NR2F6: variants seen among roughly 807,000 people sequenced by gnomAD.
NR2F6 encodes ERBA-related gene-2.
Under a neutral mutation model 26.5 loss-of-function variants are expected in NR2F6, and 16 were observed. The observed-to-expected ratio is 0.60, with a 90% CI of 0.41 to 0.92. The LOEUF is 0.92. Among genes scored for constraint, NR2F6 ranks in the 40% least tolerant of loss-of-function variants. The pLI is 0.00. For synonymous variants in NR2F6, 325 were observed against 305.0 expected, an observed-to-expected ratio of 1.07 and a Z score of -0.68; for missense variants, 536 against 631.7, an observed-to-expected ratio of 0.85 and a Z score of 1.62.
intron 2 of NR2F6, among the ~76,000 whole-genome samples, chr19:17,238,738 T>TC (rs1479071273): frequency 6.6e-6 from 1 of 152,118 alleles, no homozygotes; most frequent in Non-Finnish European, 1.5e-5. Flanking sequence ...CTCAGCTGCC[T>TC]CTCTCAGCTT....
intron 1 of NR2F6, among the ~76,000 whole-genome samples, chr19:17,243,822 C>T (rs1228988440): frequency 6.6e-6 from 1 of 152,122 alleles, no homozygotes; most frequent in African/African-American, 2.4e-5. Context: ...CCCCACAGTT[C>T]CCCCACAGTG....
At position 17,245,137 on chromosome 19, in the gene NR2F6, G is replaced by T. The variant is rs933381951; in HGVS notation, c.84C>A (p.Ala28=). Residue 28 remains alanine (A), a synonymous_variant, in exon 1 of 4, where the codon GCC becomes GCA. Coordinates refer to ENST00000291442, the MANE Select transcript of NR2F6 (RefSeq NM_005234.4). This position sits in a 1 kb window ranked among gnomAD's most constrained non-coding sequence, Gnocchi z 5.0. ...VDKAGGYPRA[A]EDDSASPPGA... ...CGGGGGGCGAGGCCGAGTCGTCCTCGGCCGCGCGCGGGTAGCCGCCCGCCT... is the reference window on the plus strand; with the variant it reads ...CGGGGGGCGAGGCCGAGTCGTCCTCTGCCGCGCGCGGGTAGCCGCCCGCCT... 1 of 1,443,798 alleles carries T rather than the reference G, an allele frequency of 6.9e-7. No individual in the cohort carries two copies. The highest frequency in any genetic ancestry group is 9.1e-7 in the Non-Finnish European group (1 of 1,103,880). 89.4% of individuals were successfully genotyped at this position (1,443,798 alleles called of 1,614,324 possible). A position where few individuals can be genotyped will look rare whatever the true frequency, so the allele number is the denominator to read the frequency against.
chr19:17,232,590 C>A lies in NR2F6; in HGVS notation c.977G>T (p.Ser326Ile), dbSNP rs777058958. The A allele has an allele frequency of 3.2e-6, 5 of 1,566,570 alleles. No homozygotes were observed. Among genetic ancestry groups the A allele is most frequent in the Non-Finnish European group, 3.5e-6 (4 of 1,155,798 alleles). Residue 326 changes from serine (S) to isoleucine (I), a missense_variant, in exon 4 of 4, where the codon AGC (serine) becomes ATC (isoleucine). Physicochemically the swap from Ser to Ile is moderately radical, Grantham distance 142. Transcript: ENST00000291442. ...CGLSDPAHVESLQEKAQVALT... is the reference protein window; with the variant it reads ...CGLSDPAHVEILQEKAQVALT... ...GGCCACCTGCGCCTTCTCCTGCAGGCTCTCAACGTGGGCCGGGTCTGAGAG... is the reference window on the plus strand; with the variant it reads ...GGCCACCTGCGCCTTCTCCTGCAGGATCTCAACGTGGGCCGGGTCTGAGAG...
In NR2F6 at chr19:17,235,347, C is replaced by T. The variant is rs2073429893; in HGVS notation, c.940+152G>A. 7.0e-7 allele frequency: 1 copy of T among 1,422,680 alleles called. No individual in the cohort carries two copies. The highest frequency in any genetic ancestry group is 2.7e-5 in the East Asian group (1 of 37,546). 88.1% of individuals were successfully genotyped at this position (1,422,680 alleles called of 1,614,324 possible). A position where few individuals can be genotyped will look rare whatever the true frequency, so the allele number is the denominator to read the frequency against. On this transcript the variant is annotated intron_variant, in intron 3 of 3. Transcript: ENST00000291442. The surrounding 1 kb of genome is among the most constrained non-coding windows in gnomAD (Gnocchi z 5.0). ...ACTGCTTACATCACCCCTCTACAGC[C>T]ACCCAAGAGCGTTCACTCACGGCGC... is the stretch of plus-strand genomic sequence containing the variant.
intron 2 of NR2F6, among the ~76,000 whole-genome samples, chr19:17,236,695 TC>T (rs1199384092): frequency 1.3e-5 from 2 of 151,368 alleles, no homozygotes; most frequent in Non-Finnish European, 2.9e-5. Context: ...CTACCTTCCA[TC>T]CCCCTCCCCA....
chr19:17,237,687 G>A (rs960613930), intron 2 of NR2F6, among the ~76,000 whole-genome samples: 15 of 152,164 alleles, frequency 9.9e-5, no homozygotes, highest in Non-Finnish European at 2.2e-4. Context: ...TGGGATTACA[G>A]GCGTGAGCCC....
At chr19:17,241,377 C>T (rs751924323) in intron 1 of NR2F6, among the ~76,000 whole-genome samples, 6 of 152,208 alleles carry the variant, frequency 3.9e-5, no homozygotes, top group Admixed American at 2.6e-4. Flanking sequence ...CCCACACCTA[C>T]GCTCTTCCGA....
chr19:17,232,094 C>A lies in NR2F6; in HGVS notation c.*258G>T. On this transcript the variant is annotated 3_prime_UTR_variant, in exon 4 of 4. Coordinates refer to ENST00000291442, the MANE Select transcript of NR2F6 (RefSeq NM_005234.4). ...ATGCTAGGGGTGCTGAGGAACAAGG[C>A]TGTCCTAGGATTGGACCCTCCATCC... The A allele has an allele frequency of 2.0e-6, 1 of 506,330 alleles. No individual in the cohort carries two copies. The highest frequency in any genetic ancestry group is 3.5e-6 in the Non-Finnish European group (1 of 289,604). 31.4% of individuals were successfully genotyped at this position (506,330 alleles called of 1,614,324 possible).
chr19:17,235,950 C>A lies in NR2F6; in HGVS notation c.489G>T (p.Gly163=). ...GCGCGATCAGTTCGGACACCGGCTG[C>A]CCCGGGAAGAGGTCTCCGCCGCTCG... ...AVASGGDLFP[G]QPVSELIAQL... The change falls in exon 3 of 4, where the codon GGG becomes GGT. Residue 163 remains glycine, a synonymous_variant. Transcript: ENST00000291442. This position sits in a 1 kb window ranked among gnomAD's most constrained non-coding sequence, Gnocchi z 5.0. The A allele has an allele frequency of 1.4e-6, 2 of 1,480,424 alleles. No individual in the cohort carries two copies. Among genetic ancestry groups the A allele is most frequent in the Non-Finnish European group, 1.8e-6 (2 of 1,122,250 alleles). 91.7% of individuals were successfully genotyped at this position (1,480,424 alleles called of 1,614,324 possible). A position where few individuals can be genotyped will look rare whatever the true frequency, so the allele number is the denominator to read the frequency against.
intron 1 of NR2F6, among the ~76,000 whole-genome samples, chr19:17,242,242 C>T (rs1013285163): frequency 5.3e-4 from 81 of 152,104 alleles, no homozygotes; most frequent in African/African-American, 1.8e-3. Context: ...CGCTTGAACC[C>T]GGGAGGCAGA....
chr19:17,241,646 A>G (rs2073469815), intron 1 of NR2F6, among the ~76,000 whole-genome samples: 1 of 152,214 alleles, frequency 6.6e-6, no homozygotes. Flanking sequence ...CTGGGCCTGG[A>G]GCAACTACCC....
At chr19:17,237,719 A>T (rs1238006105) in intron 2 of NR2F6, among the ~76,000 whole-genome samples, 1 of 151,938 alleles carries the variant, frequency 6.6e-6, no homozygotes, top group East Asian at 1.9e-4. Flanking sequence ...CGGCCTTTGC[A>T]CTTTCTGTTC....
chr19:17,244,670 C>A (rs1022035270), intron 1 of NR2F6, among the ~76,000 whole-genome samples: 1 of 152,166 alleles, frequency 6.6e-6, no homozygotes, highest in African/African-American at 2.4e-5. Flanking sequence ...TGACCCCTCC[C>A]CAGAGAAAAA....
intron 1 of NR2F6, 21 bp downstream of exon 1, chr19:17,244,922 G>A (rs781069364): frequency 1.1e-4 from 178 of 1,558,136 alleles, no homozygotes; most frequent in Non-Finnish European, 1.5e-4. Flanking sequence ...CACGGCGGCG[G>A]CGCGCGGATG....
At chr19:17,238,216 T>C (rs1384889312) in intron 2 of NR2F6, among the ~76,000 whole-genome samples, 1 of 152,180 alleles carries the variant, frequency 6.6e-6, no homozygotes, top group Non-Finnish European at 1.5e-5. Context: ...AATTACATGG[T>C]AATTCAAGCC....
Position 17,232,238 on chromosome 19 carries a change from C to T in NR2F6, c.*114G>A, listed in dbSNP as rs575031119. ...TTCACAGTCTTTAAAAAATAGAAGTCTGAGGAGAGAAGCCAGAGTCCTGGG... is the reference window on the plus strand; with the variant it reads ...TTCACAGTCTTTAAAAAATAGAAGTTTGAGGAGAGAAGCCAGAGTCCTGGG... On this transcript the variant is annotated 3_prime_UTR_variant, in exon 4 of 4. Transcript: ENST00000291442. 1.6e-4 allele frequency: 221 copies of T among 1,388,092 alleles called. 2 individuals are homozygous for T. In the African/African-American group the frequency reaches 3.0e-3, roughly 19 times the overall value. The allele number at this position is 1,388,092 out of a possible 1,614,324, so 86.0% of individuals were successfully genotyped here. A position where few individuals can be genotyped will look rare whatever the true frequency, so the allele number is the denominator to read the frequency against.
chr19:17,238,540 A>G lies in NR2F6; in HGVS notation c.373+2131T>C, dbSNP rs138348462. ...TAAAGCATGAGCTGTCATCATAAATATTTCCACCCGAGGCTTTTGGAGACT... is the reference window on the plus strand; with the variant it reads ...TAAAGCATGAGCTGTCATCATAAATGTTTCCACCCGAGGCTTTTGGAGACT... On this transcript the variant is annotated intron_variant, in intron 2 of 3. Transcript: ENST00000291442. 2.1e-4 allele frequency among the ~76,000 whole-genome samples: 32 copies of G among 152,228 alleles called. No homozygotes were observed. In the East Asian group the frequency reaches 4.0e-3, roughly 19 times the overall value.
intron 2 of NR2F6, 82 bp downstream of exon 2, chr19:17,240,589 A>G: frequency 6.9e-7 from 1 of 1,455,574 alleles, no homozygotes; most frequent in South Asian, 1.1e-5. Flanking sequence ...AAGGGAGGGG[A>G]AAAAGGGGAG....
chr19:17,237,504 G>T (rs558829138), intron 2 of NR2F6, among the ~76,000 whole-genome samples: 4 of 151,854 alleles, frequency 2.6e-5, no homozygotes, highest in African/African-American at 4.8e-5. Context: ...CTCCGACTCC[G>T]GGGTTCGAGT....
Sources: gnomAD v4.1 joint callset for allele counts (sites outside exome capture counted in the v4.1 genomes callset) on GRCh38, gnomAD v4.1.1 for gene constraint, Gnocchi (gnomAD v3.1) non-coding constraint, MANE v1.5 for transcripts, NCBI Gene and HGNC (gene_info 2026-07-23, HGNC 2026-07-21) for gene names.